The following ROR2 variants were observed in gnomAD, a reference collection of about 807,000 sequenced individuals.
The protein encoded by ROR2 is tyrosine-protein kinase transmembrane receptor ROR2.
Under a neutral mutation model 74.9 loss-of-function variants are expected in ROR2, and 33 were observed. The observed-to-expected ratio is 0.44, with a 90% CI of 0.33 to 0.59. ROR2 has a LOEUF of 0.59. Ranked by LOEUF, ROR2 falls within the 20% of genes least tolerant of loss-of-function variation. The pLI is 0.02. For synonymous variants in ROR2, 586 were observed against 558.7 expected (o/e 1.05, Z -0.69); for missense variants, 1,216 against 1,313.8 (o/e 0.93, Z 1.15).
At chr9:91,902,748 G>A (rs1830705822) in intron 1 of ROR2, among the ~76,000 whole-genome samples, 4 of 152,188 alleles carry the variant, frequency 2.6e-5, no homozygotes, top group Non-Finnish European at 5.9e-5. Context: ...ATCTGCACTG[G>A]CAAAACAAAT....
chr9:91,946,815 T>C (rs1832025684), intron 1 of ROR2, among the ~76,000 whole-genome samples: 1 of 152,202 alleles, frequency 6.6e-6, no homozygotes, highest in African/African-American at 2.4e-5. Flanking sequence ...GGAGTGCCAG[T>C]CCACCAGCTG....
chr9:91,816,479 G>A (rs948609881), intron 1 of ROR2, among the ~76,000 whole-genome samples: 1 of 152,064 alleles, frequency 6.6e-6, no homozygotes, highest in Non-Finnish European at 1.5e-5. Context: ...CTTGTCTTGA[G>A]ACGTGGACAC....
At chr9:91,821,830 A>G (rs1265650451) in intron 1 of ROR2, among the ~76,000 whole-genome samples, 1 of 152,178 alleles carries the variant, frequency 6.6e-6, no homozygotes, top group East Asian at 1.9e-4. Flanking sequence ...CTATCTACTC[A>G]GCAGGTCCAA....
At chr9:91,866,834 T>A (rs1056909722) in intron 1 of ROR2, among the ~76,000 whole-genome samples, 1 of 152,162 alleles carries the variant, frequency 6.6e-6, no homozygotes, top group Non-Finnish European at 1.5e-5. Flanking sequence ...AAAAGTTCTA[T>A]GGGGCAGAAC....
intron 6 of ROR2, among the ~76,000 whole-genome samples, chr9:91,731,690 G>A (rs117340689): frequency 0.084 from 12,812 of 152,192 alleles, 638 homozygotes; most frequent in South Asian, 0.26. Flanking sequence ...CAAGGCGGGT[G>A]GATCACTTGA....
At chr9:91,949,266 A>G (rs1047389093) in intron 1 of ROR2, among the ~76,000 whole-genome samples, 3 of 151,410 alleles carry the variant, frequency 2.0e-5, no homozygotes, top group African/African-American at 7.3e-5. Flanking sequence ...AACAAAAGGG[A>G]TGCCAAAGAG....
intron 1 of ROR2, among the ~76,000 whole-genome samples, chr9:91,860,038 CCT>C (rs1414931755): frequency 1.3e-5 from 2 of 152,158 alleles, no homozygotes; most frequent in Non-Finnish European, 2.9e-5. Context: ...CAGGCAGGGG[CCT>C]CTCTTGGGGA....
At chr9:91,741,805 A>G (rs1036518047) in intron 4 of ROR2, among the ~76,000 whole-genome samples, 1 of 152,198 alleles carries the variant, frequency 6.6e-6, no homozygotes, top group African/African-American at 2.4e-5. Context: ...CTCCCTAAGC[A>G]TTGGGTGCTC....
intron 1 of ROR2, among the ~76,000 whole-genome samples, chr9:91,787,800 A>AT (rs200620222): frequency 3.3e-5 from 5 of 149,652 alleles, no homozygotes; most frequent in African/African-American, 1.2e-4. Context: ...CATGCACAGA[A>AT]TGGGGGGGAG....
At chr9:91,752,666 T>G (rs753122232) in intron 4 of ROR2, among the ~76,000 whole-genome samples, 1 of 152,256 alleles carries the variant, frequency 6.6e-6, no homozygotes, top group East Asian at 1.9e-4. Context: ...CAGAGATTTA[T>G]GCATTTGTCA....
At chr9:91,901,321 A>G (rs1033484071) in intron 1 of ROR2, among the ~76,000 whole-genome samples, 3 of 152,236 alleles carry the variant, frequency 2.0e-5, no homozygotes, top group Non-Finnish European at 4.4e-5. Flanking sequence ...CCTGTGGGAT[A>G]TCATGAAACA....
intron 1 of ROR2, among the ~76,000 whole-genome samples, chr9:91,870,724 G>T (rs1829772336): frequency 6.6e-6 from 1 of 152,214 alleles, no homozygotes; most frequent in Admixed American, 6.5e-5. Context: ...AACAAATCTG[G>T]ACTGCATTAT....
intron 1 of ROR2, among the ~76,000 whole-genome samples, chr9:91,871,124 G>A (rs1881387): frequency 0.25 from 37,773 of 152,112 alleles, 5,126 homozygotes; most frequent in Admixed American, 0.42. Flanking sequence ...AGGACAGCTT[G>A]GGATGTTCTG....
At chr9:91,922,127 ACAACAAC>A (rs922901456) in intron 1 of ROR2, among the ~76,000 whole-genome samples, 3 of 148,576 alleles carry the variant, frequency 2.0e-5, no homozygotes, top group Non-Finnish European at 4.5e-5. Flanking sequence ...ACAACAACAA[ACAACAAC>A]AACAAAAACA....
chr9:91,869,080 C>G (rs1829720016), intron 1 of ROR2, among the ~76,000 whole-genome samples: 1 of 151,966 alleles, frequency 6.6e-6, no homozygotes, highest in Non-Finnish European at 1.5e-5. Context: ...TTTTTAGAGA[C>G]AGAGTCTCGC....
chr9:91,882,857 T>C (rs562376118), intron 1 of ROR2, among the ~76,000 whole-genome samples: 8 of 152,174 alleles, frequency 5.3e-5, no homozygotes, highest in Non-Finnish European at 1.0e-4. Context: ...TCACCCCTGC[T>C]GACACCTGAT....
At chr9:91,925,830 C>T (rs1046599379) in intron 1 of ROR2, among the ~76,000 whole-genome samples, 3 of 152,198 alleles carry the variant, frequency 2.0e-5, no homozygotes, top group African/African-American at 7.2e-5. Flanking sequence ...TCAACAGACA[C>T]CTGGGTAGAG....
intron 1 of ROR2, among the ~76,000 whole-genome samples, chr9:91,814,841 T>C (rs751572074): frequency 4.6e-5 from 7 of 152,160 alleles, no homozygotes; most frequent in Non-Finnish European, 8.8e-5. Flanking sequence ...GATGGGCCCA[T>C]GGGCCGTGGA....
intron 1 of ROR2, among the ~76,000 whole-genome samples, chr9:91,845,256 G>A (rs1721949446): frequency 6.6e-6 from 1 of 152,076 alleles, no homozygotes; most frequent in South Asian, 2.1e-4. Context: ...AGCCTGTCCT[G>A]GGGAAGCCAG....
Sources: gnomAD v4.1 joint callset for allele counts (sites outside exome capture counted in the v4.1 genomes callset) on GRCh38, gnomAD v4.1.1 for gene constraint, MANE v1.5 for transcripts, NCBI Gene and HGNC (gene_info 2026-07-23, HGNC 2026-07-21) for gene names.